Variants in CCDC171 observed in about 807,000 individuals in gnomAD.
CCDC171 encodes coiled-coil domain containing 171, also known as coiled-coil domain-containing protein 171.
In CCDC171, 177 loss-of-function variants were observed where a neutral mutation model predicts 168.2. The ratio of observed to expected loss-of-function variants is 1.05; its 90% CI spans 0.93 to 1.19. CCDC171 has a LOEUF of 1.19. Among genes scored for constraint, CCDC171 ranks in the 50% most tolerant of loss-of-function variants. The pLI is 0.00. For synonymous variants in CCDC171, 687 were observed against 540.8 expected, an observed-to-expected ratio of 1.27 and a Z score of -3.75; for missense variants, 1,991 against 1,539.0, an observed-to-expected ratio of 1.29 and a Z score of -4.91.
intron 18 of CCDC171, among the ~76,000 whole-genome samples, chr9:15,768,080 A>G (rs529599047): frequency 6.7e-6 from 1 of 150,286 alleles, no homozygotes; most frequent in Admixed American, 6.6e-5. Context: ...AGTCCCATGT[A>G]TAGCCAGGGC....
chr9:15,854,039 AT>A (rs2061249650), intron 23 of CCDC171, among the ~76,000 whole-genome samples: 1 of 149,758 alleles, frequency 6.7e-6, no homozygotes, highest in African/African-American at 2.4e-5. Flanking sequence ...TTGCATCTAA[AT>A]TCATAGGACA....
At chr9:15,946,370 C>A (rs1828383453) in intron 25 of CCDC171, among the ~76,000 whole-genome samples, 1 of 151,932 alleles carries the variant, frequency 6.6e-6, no homozygotes. Context: ...TTCTTATACA[C>A]CAATAACAGA....
At chr9:16,032,083 A>G (rs955601393) in intron 6 of CCDC171, among the ~76,000 whole-genome samples, 1 of 152,186 alleles carries the variant, frequency 6.6e-6, no homozygotes, top group Admixed American at 6.5e-5. Context: ...AATGTTATGC[A>G]TGACATGCAT....
At position 15,593,718 on chromosome 9, in the gene CCDC171, A is replaced by G. The variant is rs1339125766; in HGVS notation, c.544-323A>G. Among the ~76,000 whole-genome samples, 7 of 152,070 alleles carry G rather than the reference A, an allele frequency of 4.6e-5. No individual in the cohort carries two copies. In the East Asian group the frequency reaches 1.4e-3, roughly 29 times the overall value. ...TTTTGTTCAAACCTCTGAAGTTAAC[A>G]TTTTTCAGAAAAATTGGGTCAAATA... On this transcript the variant is annotated intron_variant, in intron 5 of 25. Coordinates refer to ENST00000380701, the MANE Select transcript of CCDC171 (RefSeq NM_173550.4).
At chr9:16,081,917 C>T in the CCDC171 span, among the ~76,000 whole-genome samples, 51 of 151,654 alleles carry the variant, frequency 3.4e-4, no homozygotes, top group East Asian at 7.5e-3. Context: ...CTCCACTGAT[C>T]TAATATTTTA....
At chr9:15,646,891 C>G (rs2132668366) in intron 7 of CCDC171, among the ~76,000 whole-genome samples, 1 of 152,290 alleles carries the variant, frequency 6.6e-6, no homozygotes, top group East Asian at 1.9e-4. Flanking sequence ...CAGCTCTGCA[C>G]CAAGTGGACC....
chr9:16,011,885 G>C (rs576743043), intron 3 of CCDC171, among the ~76,000 whole-genome samples: 30 of 152,284 alleles, frequency 2.0e-4, no homozygotes, highest in African/African-American at 6.0e-4. Flanking sequence ...AGATTGTCTT[G>C]GTTCCTTATC....
At chr9:15,647,775 A>C (rs1173887303) in intron 7 of CCDC171, among the ~76,000 whole-genome samples, 1 of 152,184 alleles carries the variant, frequency 6.6e-6, no homozygotes, top group Non-Finnish European at 1.5e-5. Context: ...CAACCAAAAA[A>C]AGTCCAGGAC....
At position 15,972,569 on chromosome 9, in the gene CCDC171, G is replaced by A. The variant is rs937715183; in HGVS notation, c.*733G>A. 2 of 152,236 alleles carry A rather than the reference G, an allele frequency of 1.3e-5. No individual in the cohort carries two copies. The highest frequency in any genetic ancestry group is 4.8e-5 in the African/African-American group (2 of 41,444). The allele number at this position is 152,236 out of a possible 1,614,324, so 9.4% of individuals were successfully genotyped here. A position where few individuals can be genotyped will look rare whatever the true frequency, so the allele number is the denominator to read the frequency against. On this transcript the variant is annotated 3_prime_UTR_variant, in exon 26 of 26. Coordinates refer to ENST00000380701, the MANE Select transcript of CCDC171 (RefSeq NM_173550.4). ...AGAGCAATTGTGCTGGAGGATTTCT[G>A]TGGTATGTTTAGGCACTTCATAAGG...
the CCDC171 span, among the ~76,000 whole-genome samples, chr9:16,082,905 C>T: frequency 8.5e-5 from 13 of 152,200 alleles, no homozygotes; most frequent in African/African-American, 2.9e-4. Flanking sequence ...TTAGTGAGGA[C>T]ATGGTCCACT....
intron 21 of CCDC171, among the ~76,000 whole-genome samples, chr9:15,800,265 G>C (rs75185454): frequency 6.6e-6 from 1 of 151,822 alleles, no homozygotes; most frequent in Non-Finnish European, 1.5e-5. Flanking sequence ...TCTCCCTTGT[G>C]CATCCATTTG....
chr9:15,619,578 C>G (rs1263217719), intron 6 of CCDC171, among the ~76,000 whole-genome samples: 6 of 152,148 alleles, frequency 3.9e-5, no homozygotes, highest in African/African-American at 1.4e-4. Context: ...GAGATTGGTT[C>G]ATGACTTTTA....
chr9:16,083,428 A>T, the CCDC171 span, among the ~76,000 whole-genome samples: 3 of 152,184 alleles, frequency 2.0e-5, no homozygotes, highest in Non-Finnish European at 4.4e-5. Context: ...TGGAAACAGT[A>T]CTCTGAGATC....
chr9:15,923,729 T>G (rs1825598942), intron 25 of CCDC171, among the ~76,000 whole-genome samples: 1 of 151,546 alleles, frequency 6.6e-6, no homozygotes, highest in Non-Finnish European at 1.5e-5. Context: ...GTATATATAC[T>G]TGAAAATGTG....
chr9:15,757,423 C>T (rs1396278630), intron 18 of CCDC171, among the ~76,000 whole-genome samples: 1 of 152,104 alleles, frequency 6.6e-6, no homozygotes, highest in Non-Finnish European at 1.5e-5. Context: ...TTTAAGGTAT[C>T]TGGTGGAAGA....
intron 25 of CCDC171, among the ~76,000 whole-genome samples, chr9:15,937,889 A>G (rs1303065092): frequency 6.6e-6 from 1 of 151,950 alleles, no homozygotes; most frequent in Non-Finnish European, 1.5e-5. Context: ...CTTTTGTCCA[A>G]GTTAAGAGTT....
Position 15,678,772 on chromosome 9 carries a change from A to G in CCDC171, c.1091A>G (p.Tyr364Cys), listed in dbSNP as rs765356612. ...FAKLNLLEKE[Y>C]FSKNKKLNED... is the part of the protein sequence containing the mutation. Reference sequence around the variant, plus strand: ...TAACTTTTCAGATTAGAAAAAGAGTATTTCTCCAAAAATAAGAAACTAAAT... The same window carrying G: ...TAACTTTTCAGATTAGAAAAAGAGTGTTTCTCCAAAAATAAGAAACTAAAT... The change falls in exon 10 of 26, where the codon TAT becomes TGT. Residue 364 changes from tyrosine to cysteine, a missense_variant. Transcript: ENST00000380701. 2 of 1,585,154 alleles carry G rather than the reference A, an allele frequency of 1.3e-6. No individual in the cohort carries two copies. The highest frequency in any genetic ancestry group is 2.7e-5 in the African/African-American group (2 of 73,010).
chr9:15,872,799 C>A (rs1473145399), intron 23 of CCDC171, among the ~76,000 whole-genome samples: 2 of 151,836 alleles, frequency 1.3e-5, no homozygotes, highest in East Asian at 3.9e-4. Flanking sequence ...ATTCTCAGAA[C>A]CTTAATCCAC....
chr9:15,630,736 C>A (rs999728133), intron 7 of CCDC171, among the ~76,000 whole-genome samples: 4 of 151,128 alleles, frequency 2.6e-5, no homozygotes, highest in Non-Finnish European at 4.4e-5. Context: ...TTTTTCAGCA[C>A]CACACCTACT....
Sources: allele counts gnomAD v4.1 joint callset (sites outside exome capture counted in the v4.1 genomes callset), GRCh38; gene constraint gnomAD v4.1.1; transcripts MANE v1.5; gene names NCBI Gene and HGNC (gene_info 2026-07-23, HGNC 2026-07-21).